The following ZNF529 variants were observed in gnomAD, a reference collection of about 807,000 sequenced individuals.
ZNF529 encodes zinc finger protein 529.
Under a neutral mutation model 10.1 loss-of-function variants are expected in ZNF529, and 11 were observed. That is an observed-to-expected ratio of 1.09 (90% confidence interval 0.69 to 1.81). ZNF529 has a LOEUF of 1.81. Among genes scored for constraint, ZNF529 ranks in the 40% most tolerant of loss-of-function variants. ZNF529 has a pLI of 0.00. For synonymous variants in ZNF529, 204 were observed against 215.7 expected (o/e 0.95, Z 0.47); for missense variants, 624 against 666.8 (o/e 0.94, Z 0.71).
chr19:36,565,796 C>G (rs1437966071), intron 2 of ZNF529, among the ~76,000 whole-genome samples: 2 of 152,068 alleles, frequency 1.3e-5, no homozygotes, highest in African/African-American at 4.8e-5. Context: ...CTTTATTTCC[C>G]CAATATGATT....
intron 1 of ZNF529, among the ~76,000 whole-genome samples, chr19:36,590,689 G>A (rs991509011): frequency 6.6e-6 from 1 of 152,168 alleles, no homozygotes; most frequent in Non-Finnish European, 1.5e-5. Flanking sequence ...CAGTACTTTG[G>A]GAGGCCGAGG....
intron 1 of ZNF529, among the ~76,000 whole-genome samples, chr19:36,592,034 G>A (rs923192628): frequency 1.3e-5 from 2 of 151,876 alleles, no homozygotes; most frequent in African/African-American, 4.8e-5. Flanking sequence ...AGCACTTTGG[G>A]AGGCCATAGC....
At chr19:36,575,962 C>T (rs372195676), upstream of ZNF529, among the ~76,000 whole-genome samples, 5 of 152,148 alleles carry the variant, frequency 3.3e-5, no homozygotes, top group South Asian at 1.0e-3. Context: ...AGTTATCCTG[C>T]CTCAACCTCC....
intron 4 of ZNF529, among the ~76,000 whole-genome samples, chr19:36,549,200 C>T (rs984626882): frequency 1.3e-5 from 2 of 152,092 alleles, no homozygotes; most frequent in Non-Finnish European, 2.9e-5. Flanking sequence ...TAAATAACTT[C>T]ATTTCTGTTT....
chr19:36,573,599 G>C (rs1449566915), upstream of ZNF529: 1 of 420,466 alleles, frequency 2.4e-6, no homozygotes, highest in Non-Finnish European at 5.1e-6. Context: ...GGCGAGGGTG[G>C]TCTTGGGGGA....
chr19:36,604,083 G>A (rs189600434), intron 1 of ZNF529, among the ~76,000 whole-genome samples: 2,324 of 152,296 alleles, frequency 0.015, 50 homozygotes, highest in Admixed American at 0.062. Flanking sequence ...GGGAGGCTGA[G>A]GCAGGAGAAT....
chr19:36,564,059 T>C (rs1308307884), intron 2 of ZNF529, among the ~76,000 whole-genome samples: 1 of 152,160 alleles, frequency 6.6e-6, no homozygotes, highest in Non-Finnish European at 1.5e-5. Context: ...GACTGGCATA[T>C]GCAGAAGAAT....
chr19:36,564,918 G>T (rs1222453602), intron 2 of ZNF529, among the ~76,000 whole-genome samples: 1 of 152,098 alleles, frequency 6.6e-6, no homozygotes, highest in East Asian at 1.9e-4. Context: ...ACATAAAAAA[G>T]AACAAAATCA....
In ZNF529 at chr19:36,554,716, C is replaced by A; in HGVS notation, c.189G>T (p.Leu63Phe). ...AGTTCTCCATCATCACATCCCAGTA[C>A]AAGTTCCTCTGAGCAGAATCCAGAT... ...WEYLDSAQRNLYWDVMMENYS... is the reference protein window; with the variant it reads ...WEYLDSAQRNFYWDVMMENYS... The change falls in exon 4 of 5, where the codon TTG (leucine) becomes TTT (phenylalanine). Residue 63 changes from leucine (L) to phenylalanine (F), a missense_variant. Leu to Phe is a conservative substitution (Grantham distance 22). Transcript: ENST00000591340. 1.3e-6 allele frequency: 2 copies of A among 1,576,544 alleles called. No individual in the cohort carries two copies. The highest frequency in any genetic ancestry group is 1.8e-5 in the Admixed American group (1 of 54,426).
At chr19:36,596,444 T>A (rs1445429188) in intron 1 of ZNF529, among the ~76,000 whole-genome samples, 5 of 152,012 alleles carry the variant, frequency 3.3e-5, no homozygotes, top group African/African-American at 1.2e-4. Flanking sequence ...TTAAACTCTA[T>A]TTTTTTGACA....
chr19:36,553,212 A>C (rs1036907228), intron 4 of ZNF529, among the ~76,000 whole-genome samples: 5 of 151,968 alleles, frequency 3.3e-5, no homozygotes, highest in Non-Finnish European at 7.4e-5. Flanking sequence ...TGCAACCTCT[A>C]CCTCCCGAGT....
intron 1 of ZNF529, among the ~76,000 whole-genome samples, chr19:36,599,257 AT>A (rs1254370060): frequency 6.6e-6 from 1 of 152,174 alleles, no homozygotes; most frequent in African/African-American, 2.4e-5. Context: ...GTCTGTACAA[AT>A]ACATACATAC....
In ZNF529 at chr19:36,556,085, AG is replaced by A. The variant is rs775775443; in HGVS notation, c.108+18del. ...AGAAAAAGGAAATATCACAAAGAAAAGAGAAGTAGTTAACTTACATGGTCCA... is the reference window on the plus strand; with the variant it reads ...AGAAAAAGGAAATATCACAAAGAAAAAGAAGTAGTTAACTTACATGGTCCA... On this transcript the variant is annotated intron_variant, in intron 3 of 4. Transcript: ENST00000591340. 21 of 1,549,178 alleles carry A rather than the reference AG, an allele frequency of 1.4e-5. No homozygotes were observed. Among genetic ancestry groups the A allele is most frequent in the Middle Eastern group, 1.7e-4 (1 of 5,994 alleles).
intron 1 of ZNF529, among the ~76,000 whole-genome samples, chr19:36,599,506 A>G (rs1340843171): frequency 6.6e-6 from 1 of 152,194 alleles, no homozygotes; most frequent in African/African-American, 2.4e-5. Flanking sequence ...CATTCAAATG[A>G]CTAATTCATG....
At position 36,547,642 on chromosome 19, in the gene ZNF529, C is replaced by G; in HGVS notation, c.916G>C (p.Asp306His). 6.2e-7 allele frequency: 1 copy of G among 1,613,740 alleles called. No individual in the cohort carries two copies. The change falls in exon 5 of 5, where the codon GAT (aspartate) becomes CAT (histidine). Residue 306 changes from aspartate (D) to histidine (H), a missense_variant. By Grantham distance (81) the Asp-to-His change is moderately conservative (BLOSUM62 -1). Coordinates refer to ENST00000591340, the MANE Select transcript of ZNF529 (RefSeq NM_020951.5). ...TCCATACATTTGTAAGTTTTCTCAT[C>G]AGTATGGATTTTCTGATGTCGAGTA... The part of the protein sequence containing the change: ...QLTRHQKIHT[D>H]EKTYKCMECG...
chr19:36,573,137 A>C lies in ZNF529; in HGVS notation c.-47+3T>G. 3.4e-6 allele frequency: 1 copy of C among 297,806 alleles called. No homozygotes were observed. The highest frequency in any genetic ancestry group is 8.5e-5 in the East Asian group (1 of 11,738). 18.4% of individuals were successfully genotyped at this position (297,806 alleles called of 1,614,324 possible). On this transcript the variant is annotated splice_donor_region_variant and intron_variant, in intron 1 of 4. Transcript: ENST00000591340. ...CAATGACGTCGTAAACAATAGCACT[A>C]ACCACCATCGTCCGCAGCTCCCGCG...
chr19:36,546,322 ATAAAG>A lies in ZNF529; in HGVS notation c.*539_*543del, dbSNP rs1204628327. The A allele has an allele frequency of 2.0e-5, 3 of 152,256 alleles. No homozygotes were observed. Among genetic ancestry groups the A allele is most frequent in the African/African-American group, 7.3e-5 (3 of 41,344 alleles). The allele number at this position is 152,256 out of a possible 1,614,324, so 9.4% of individuals were successfully genotyped here. ...TTTGGGGGGAATATGTTGTATCAAA[ATAAAG>A]TAGAAATTTAAAGAGAAGTCAACAA... On this transcript the variant is annotated 3_prime_UTR_variant, in exon 5 of 5. Transcript: ENST00000591340.
intron 2 of ZNF529, among the ~76,000 whole-genome samples, chr19:36,568,629 G>A (rs558795071): frequency 7.9e-5 from 12 of 152,010 alleles, no homozygotes; most frequent in African/African-American, 2.7e-4. Context: ...ACACCACCAC[G>A]CCTGGCAAAT....
chr19:36,603,746 G>T (rs559921588), intron 1 of ZNF529, among the ~76,000 whole-genome samples: 2 of 152,294 alleles, frequency 1.3e-5, no homozygotes, highest in East Asian at 3.9e-4. Context: ...GAATATTGTT[G>T]ACTCTTCCCT....
Sources: gnomAD v4.1 joint callset for allele counts (sites outside exome capture counted in the v4.1 genomes callset) on GRCh38, gnomAD v4.1.1 for gene constraint, MANE v1.5 for transcripts, NCBI Gene and HGNC (gene_info 2026-07-23, HGNC 2026-07-21) for gene names.